Variants in KCNIP4 observed in about 807,000 individuals in gnomAD.
The protein encoded by KCNIP4 is potassium voltage-gated channel interacting protein 4, also known as Kv channel-interacting protein 4.
Under a neutral mutation model 34.0 loss-of-function variants are expected in KCNIP4, and 12 were observed. That is an observed-to-expected ratio of 0.35 (90% CI 0.23 to 0.57). The LOEUF is 0.57. Among genes scored for constraint, KCNIP4 ranks in the 20% least tolerant of loss-of-function variants. The probability of loss-of-function intolerance (pLI) is 0.83; values close to 1 mark genes in which losing one functional copy is unlikely to be tolerated. For synonymous variants in KCNIP4, 124 were observed against 102.2 expected (o/e 1.21, Z -1.29); for missense variants, 238 against 311.7 (o/e 0.76, Z 1.78).
intron 1 of KCNIP4, among the ~76,000 whole-genome samples, chr4:21,147,544 TTA>T (rs1187673303): frequency 6.6e-6 from 1 of 152,188 alleles, no homozygotes; most frequent in Non-Finnish European, 1.5e-5. Flanking sequence ...TTATTTTTCT[TTA>T]TTATCAAAGT....
intron 5 of KCNIP4, among the ~76,000 whole-genome samples, chr4:20,749,371 G>A (rs544446307): frequency 1.3e-5 from 2 of 152,206 alleles, no homozygotes; most frequent in South Asian, 2.1e-4. Context: ...CCCATAAGGA[G>A]GTGTCAGTAA....
chr4:21,106,038 G>A (rs1327010938), intron 1 of KCNIP4, among the ~76,000 whole-genome samples: 1 of 151,588 alleles, frequency 6.6e-6, no homozygotes, highest in Non-Finnish European at 1.5e-5. Context: ...GTTCATCAAG[G>A]ATATTGGTCT....
intron 1 of KCNIP4, among the ~76,000 whole-genome samples, chr4:21,298,130 C>T (rs1345801659): frequency 2.0e-5 from 3 of 152,116 alleles, no homozygotes; most frequent in African/African-American, 4.8e-5. Context: ...CAAGGCGAGG[C>T]ATATGCAACA....
chr4:21,721,167 C>T (rs180898740), intron 1 of KCNIP4, among the ~76,000 whole-genome samples: 2 of 152,090 alleles, frequency 1.3e-5, no homozygotes, highest in East Asian at 3.9e-4. Context: ...GTACTTTTTC[C>T]GTGAAAACAG....
At chr4:21,903,186 A>C (rs1373341999) in intron 1 of KCNIP4, among the ~76,000 whole-genome samples, 2 of 152,202 alleles carry the variant, frequency 1.3e-5, no homozygotes, top group Non-Finnish European at 2.9e-5. Flanking sequence ...ATTTGATAGA[A>C]GTATAGAATG....
intron 3 of KCNIP4, among the ~76,000 whole-genome samples, chr4:20,797,990 T>C (rs1262196374): frequency 6.6e-6 from 1 of 152,208 alleles, no homozygotes; most frequent in Non-Finnish European, 1.5e-5. Context: ...TCTAAGTTGG[T>C]GATAATTTGC....
intron 1 of KCNIP4, among the ~76,000 whole-genome samples, chr4:21,834,379 T>G (rs28819197): frequency 0.074 from 11,221 of 152,180 alleles, 1,437 homozygotes; most frequent in African/African-American, 0.26. Flanking sequence ...TCACTCATGA[T>G]TTGGCTCTCT....
At chr4:21,024,995 A>G (rs1740396702) in intron 1 of KCNIP4, among the ~76,000 whole-genome samples, 1 of 152,192 alleles carries the variant, frequency 6.6e-6, no homozygotes, top group African/African-American at 2.4e-5. Context: ...AAATATGTAG[A>G]GCTTATTGAA....
intron 1 of KCNIP4, among the ~76,000 whole-genome samples, chr4:20,891,786 T>C (rs1560547154): frequency 6.6e-6 from 1 of 152,078 alleles, no homozygotes; most frequent in East Asian, 1.9e-4. Context: ...GCAAAAGTAA[T>C]TGTGATTTTT....
intron 1 of KCNIP4, among the ~76,000 whole-genome samples, chr4:21,168,955 T>C (rs973980087): frequency 2.1e-4 from 32 of 152,148 alleles, no homozygotes; most frequent in Admixed American, 1.3e-4. Context: ...CAGTCTTTGA[T>C]CTATGACGGC....
intron 1 of KCNIP4, among the ~76,000 whole-genome samples, chr4:21,403,058 A>C (rs1456725294): frequency 1.3e-5 from 2 of 152,114 alleles, no homozygotes; most frequent in Non-Finnish European, 2.9e-5. Flanking sequence ...TTTTACTAGC[A>C]CTTATCTTAT....
intron 1 of KCNIP4, among the ~76,000 whole-genome samples, chr4:21,247,371 C>G (rs1022383473): frequency 6.6e-6 from 1 of 151,804 alleles, no homozygotes; most frequent in South Asian, 2.1e-4. Flanking sequence ...AAATGCAGTT[C>G]TTGTTCATTA....
At position 20,834,507 on chromosome 4, in the gene KCNIP4, A is replaced by G. The variant is rs112639987; in HGVS notation, c.288+16036T>C. Among the ~76,000 whole-genome samples, 5 of 152,314 alleles carry G rather than the reference A, an allele frequency of 3.3e-5. 1 individual carries two copies. Among genetic ancestry groups the G allele is most frequent in the African/African-American group, 9.6e-5 (4 of 41,576 alleles). On this transcript the variant is annotated intron_variant, in intron 3 of 8. Coordinates refer to ENST00000382152, the MANE Select transcript of KCNIP4 (RefSeq NM_025221.6). ...ACTGGACACAGCAGGGGTTTCACCT[A>G]CATGGAGCTGTGATTAGGGGAGATG...
At chr4:21,066,905 T>G (rs561440715) in intron 1 of KCNIP4, among the ~76,000 whole-genome samples, 1 of 152,128 alleles carries the variant, frequency 6.6e-6, no homozygotes, top group East Asian at 1.9e-4. Context: ...TGTGACCTGG[T>G]GAGATACCAG....
chr4:20,825,807 T>C (rs888621412), intron 3 of KCNIP4, among the ~76,000 whole-genome samples: 3 of 152,002 alleles, frequency 2.0e-5, no homozygotes, highest in Non-Finnish European at 4.4e-5. Context: ...GGAACAGAAG[T>C]GCGTAAAGAA....
At chr4:21,855,542 TTATTGTTAAAAA>T (rs1335522933) in intron 1 of KCNIP4, 1 of 152,220 alleles carries the variant, frequency 6.6e-6, no homozygotes, top group East Asian at 1.9e-4. Context: ...GGATTTCAGA[TTATTGTTAAAAA>T]TATGCACATT....
At position 21,504,504 on chromosome 4, in the gene KCNIP4, A is replaced by AAAGAAAGGAAGG. The variant is rs1451213413; in HGVS notation, c.61+444066_61+444067insCCTTCCTTTCTT. On this transcript the variant is annotated intron_variant, in intron 1 of 8. Transcript: ENST00000382152. ...GAAAGAAAGAAAGAAAGAAAGAAAG[A>AAAGAAAGGAAGG]AAGGAAGGAAGGAAGAAAGCAAGCA... 6.7e-5 allele frequency among the ~76,000 whole-genome samples: 9 copies of AAAGAAAGGAAGG among 133,576 alleles called. No homozygotes were observed. The East Asian group carries it at 1.1e-3, about 16-fold the overall frequency. 87.6% of individuals were successfully genotyped at this position (133,576 alleles called of 152,430 possible).
At chr4:21,934,194 T>C (rs1476653332) in intron 1 of KCNIP4, among the ~76,000 whole-genome samples, 1 of 152,018 alleles carries the variant, frequency 6.6e-6, no homozygotes, top group African/African-American at 2.4e-5. Flanking sequence ...AAAATCTCTT[T>C]GCCCAGGATA....
intron 1 of KCNIP4, among the ~76,000 whole-genome samples, chr4:21,702,200 G>A (rs1712914118): frequency 6.6e-6 from 1 of 152,084 alleles, no homozygotes; most frequent in African/African-American, 2.4e-5. Flanking sequence ...TCAGATTTTG[G>A]TGAGGGCCCT....
Sources: gnomAD v4.1 joint callset for allele counts (sites outside exome capture counted in the v4.1 genomes callset) on GRCh38, gnomAD v4.1.1 for gene constraint, MANE v1.5 for transcripts, NCBI Gene and HGNC (gene_info 2026-07-23, HGNC 2026-07-21) for gene names.